The following GBX1 variants were observed in gnomAD, a reference collection of about 807,000 sequenced individuals.
GBX1 encodes homeobox protein GBX-1.
A neutral mutation model predicts 22.9 loss-of-function variants in GBX1; 9 were observed. The ratio of observed to expected loss-of-function variants is 0.39; its 90% CI spans 0.24 to 0.69. GBX1 has a LOEUF of 0.69. GBX1 is among the 30% of genes least tolerant of loss of function. The probability of loss-of-function intolerance (pLI) is 0.43; values close to 1 mark genes in which losing one functional copy is unlikely to be tolerated. For missense variants in GBX1, 494 were observed against 509.2 expected, an observed-to-expected ratio of 0.97 and a Z score of 0.29; for synonymous variants, 203 against 227.3, an observed-to-expected ratio of 0.89 and a Z score of 0.96.
chr7:151,148,655 A>G lies in GBX1; in HGVS notation c.1026T>C (p.Pro342=). 1.2e-6 allele frequency: 2 copies of G among 1,614,030 alleles called. No individual in the cohort carries two copies. Among genetic ancestry groups the G allele is most frequent in the Non-Finnish European group, 1.7e-6 (2 of 1,180,004 alleles). ...VRNPKIVVPI[P]VHVNRFAVRS... ...GCACAGCAAACCTGTTGACATGCAC[A>G]GGTATGGGGACAACAATCTTGGGGT... is the stretch of plus-strand genomic sequence containing the variant. Residue 342 remains proline, a synonymous_variant, in exon 2 of 2, where the codon CCT becomes CCC. Transcript: ENST00000297537. The surrounding 1 kb of genome is among the most constrained non-coding windows in gnomAD (Gnocchi z 5.1).
At chr7:151,161,015 T>G (rs1801182916) in intron 1 of GBX1, among the ~76,000 whole-genome samples, 1 of 152,170 alleles carries the variant, frequency 6.6e-6, no homozygotes. Flanking sequence ...TCTCTCTCTT[T>G]TATACATCTA....
intron 1 of GBX1, among the ~76,000 whole-genome samples, chr7:151,152,321 T>C (rs1039991386): frequency 6.6e-6 from 1 of 152,098 alleles, no homozygotes; most frequent in Non-Finnish European, 1.5e-5. Context: ...GACATCTCCC[T>C]ATGAATGTTA....
chr7:151,164,815 G>A (rs559518144), intron 1 of GBX1, among the ~76,000 whole-genome samples: 3 of 103,450 alleles, frequency 2.9e-5, no homozygotes, highest in East Asian at 2.9e-4. Context: ...CATTTTCCTC[G>A]GATGATGAAG....
chr7:151,154,098 G>A (rs1801108340), intron 1 of GBX1, among the ~76,000 whole-genome samples: 1 of 152,088 alleles, frequency 6.6e-6, no homozygotes, highest in Non-Finnish European at 1.5e-5. Context: ...ATTAGCCAGG[G>A]GTGTTGGCGT....
rs753403517 is a variant in GBX1 at position 151,149,090 on chromosome 7, T to A, written c.591A>T (p.Gly197=). Residue 197 remains glycine (G), a synonymous_variant, in exon 2 of 2, where the codon GGA becomes GGT. Transcript: ENST00000297537. The part of the protein sequence containing the change: ...SDEEKLEASA[G]DPAGSEQEEE... The stretch of plus-strand genomic sequence containing the variant: ...CCTCCTGTTCGCTGCCTGCTGGGTC[T>A]CCTGCTGATGCCTCCAGCTTCTCCT... The A allele has an allele frequency of 6.2e-7, 1 of 1,612,564 alleles. No homozygotes were observed.
intron 1 of GBX1, among the ~76,000 whole-genome samples, chr7:151,161,714 G>A (rs563213196): frequency 1.4e-4 from 22 of 152,214 alleles, no homozygotes; most frequent in African/African-American, 3.9e-4. Flanking sequence ...CATCATGCAC[G>A]CTGAAACAAC....
chr7:151,156,984 C>CAAAA (rs34479548), intron 1 of GBX1, among the ~76,000 whole-genome samples: 17 of 50,082 alleles, frequency 3.4e-4, no homozygotes, highest in African/African-American at 8.3e-4. Context: ...GACTCTGTCT[C>CAAAA]AAAAAAAAAA....
chr7:151,156,925 C>A (rs1466178916), intron 1 of GBX1, among the ~76,000 whole-genome samples: 1 of 137,872 alleles, frequency 7.3e-6, no homozygotes, highest in African/African-American at 2.8e-5. Context: ...TCAGAGGTTG[C>A]AGTGAGCAGA....
chr7:151,167,294 G>C lies in GBX1; in HGVS notation c.255C>G (p.Asn85Lys). ...CCTGACCCAGCCCCGCGCAGAAGGT[G>C]TTGGTAAGGCGGCCGGCGAAAGAGG... is the stretch of plus-strand genomic sequence containing the variant. ...PLASFAGRLTNTFCAGLGQAV... is the reference protein window; with the variant it reads ...PLASFAGRLTKTFCAGLGQAV... The change falls in exon 1 of 2, where the codon AAC becomes AAG. Residue 85 changes from asparagine to lysine, a missense_variant. Around this residue, in one of 3 missense-constraint regions of GBX1, gnomAD observed 365 missense variants for 340.4 expected, o/e 1.07. Transcript: ENST00000297537. This position sits in a 1 kb window ranked among gnomAD's most constrained non-coding sequence, Gnocchi z 5.9. 7 of 1,530,914 alleles carry C rather than the reference G, an allele frequency of 4.6e-6. No homozygotes were observed. The highest frequency in any genetic ancestry group is 6.1e-6 in the Non-Finnish European group (7 of 1,141,954). 94.8% of individuals were successfully genotyped at this position (1,530,914 alleles called of 1,614,324 possible). A position where few individuals can be genotyped will look rare whatever the true frequency, so the allele number is the denominator to read the frequency against.
Position 151,167,641 on chromosome 7 carries a change from C to G in GBX1, c.-93G>C, listed in dbSNP as rs1801276570. On this transcript the variant is annotated 5_prime_UTR_variant, in exon 1 of 2. Transcript: ENST00000297537. The surrounding 1 kb of genome is among the most constrained non-coding windows in gnomAD (Gnocchi z 5.9). ...GCGCCCCGCGCGGACACGCAGGGCTCGCTCCCTGGCTCCCGGGCCGAGGTG... is the reference window on the plus strand; with the variant it reads ...GCGCCCCGCGCGGACACGCAGGGCTGGCTCCCTGGCTCCCGGGCCGAGGTG... The G allele has an allele frequency of 8.6e-7, 1 of 1,160,536 alleles. No individual in the cohort carries two copies. Among genetic ancestry groups the G allele is most frequent in the African/African-American group, 1.6e-5 (1 of 61,232 alleles). 71.9% of individuals were successfully genotyped at this position (1,160,536 alleles called of 1,614,324 possible). A position where few individuals can be genotyped will look rare whatever the true frequency, so the allele number is the denominator to read the frequency against.
At chr7:151,158,829 T>C (rs1318438113) in intron 1 of GBX1, among the ~76,000 whole-genome samples, 2 of 152,174 alleles carry the variant, frequency 1.3e-5, no homozygotes, top group African/African-American at 4.8e-5. Context: ...ACAATAAGGA[T>C]AAATTCTTGA....
intron 1 of GBX1, chr7:151,150,171 C>T (rs1801061572): frequency 3.4e-6 from 1 of 291,474 alleles, no homozygotes; most frequent in South Asian, 2.8e-5. Context: ...CCACACAATT[C>T]TAAAACTTAA....
Position 151,166,953 on chromosome 7 carries a change from G to T in GBX1, c.538+58C>A, listed in dbSNP as rs1801259123. ...GTGCCGAGGTTCCGAGCAGGTTCCT[G>T]TCTGGAATTTCCAGGTGAACCGGCC... On this transcript the variant is annotated intron_variant, in intron 1 of 1. Coordinates refer to ENST00000297537, the MANE Select transcript of GBX1 (RefSeq NM_001098834.3). 2.6e-6 allele frequency: 4 copies of T among 1,563,358 alleles called. No individual in the cohort carries two copies. The African/African-American group carries it at 5.5e-5, about 22-fold the overall frequency.
At chr7:151,153,549 C>CT (rs35402664) in intron 1 of GBX1, among the ~76,000 whole-genome samples, 8,697 of 146,160 alleles carry the variant, frequency 0.06, 442 homozygotes, top group African/African-American at 0.13. Flanking sequence ...AGAAGCAAAT[C>CT]TTTTTTTTTT....
chr7:151,155,373 A>G (rs1801122693), intron 1 of GBX1, among the ~76,000 whole-genome samples: 1 of 152,178 alleles, frequency 6.6e-6, no homozygotes, highest in Non-Finnish European at 1.5e-5. Flanking sequence ...ATCATGCCCA[A>G]TACAGAATTA....
In GBX1 at chr7:151,167,523, G is replaced by A. The variant is rs1584807346; in HGVS notation, c.26C>T (p.Ala9Val). Residue 9 changes from alanine (A) to valine (V), a missense_variant, in exon 1 of 2, where the codon GCC (alanine) becomes GTC (valine). Ala to Val is a moderately conservative substitution (Grantham distance 64). Around this residue, in one of 3 missense-constraint regions of GBX1, gnomAD observed 365 missense variants for 340.4 expected, o/e 1.07. Coordinates refer to ENST00000297537, the MANE Select transcript of GBX1 (RefSeq NM_001098834.3). The surrounding 1 kb of genome is among the most constrained non-coding windows in gnomAD (Gnocchi z 5.9). Reference sequence around the variant, plus strand: ...GCCGCCCCCGCCGTTGCCCCCAGGGGCGCTACCGCCTCCGGCCCGCTGCAT... The same window carrying A: ...GCCGCCCCCGCCGTTGCCCCCAGGGACGCTACCGCCTCCGGCCCGCTGCAT... MQRAGGGS[A>V]PGGNGGGGGG... 6.8e-7 allele frequency: 1 copy of A among 1,470,048 alleles called. No homozygotes were observed. Among genetic ancestry groups the A allele is most frequent in the African/African-American group, 1.5e-5 (1 of 66,378 alleles). The allele number at this position is 1,470,048 out of a possible 1,614,324, so 91.1% of individuals were successfully genotyped here.
At chr7:151,152,072 G>A (rs989314744) in intron 1 of GBX1, among the ~76,000 whole-genome samples, 6 of 152,058 alleles carry the variant, frequency 3.9e-5, no homozygotes, top group South Asian at 4.2e-4. Context: ...CTATAGCTTC[G>A]TGAAAGTAGG....
chr7:151,164,025 T>A (rs1462897095), intron 1 of GBX1, among the ~76,000 whole-genome samples: 1 of 151,846 alleles, frequency 6.6e-6, no homozygotes, highest in Admixed American at 6.5e-5. Flanking sequence ...ATGGTACCTG[T>A]CTTAACTCTC....
At chr7:151,161,924 C>T (rs773263080) in intron 1 of GBX1, among the ~76,000 whole-genome samples, 6 of 152,156 alleles carry the variant, frequency 3.9e-5, no homozygotes, top group Non-Finnish European at 7.4e-5. Flanking sequence ...GCTGAGGAAA[C>T]CAAAGCCTAG....
Sources: gnomAD v4.1 joint callset for allele counts (sites outside exome capture counted in the v4.1 genomes callset) on GRCh38, gnomAD v4.1.1 for gene constraint, gnomAD v4.1.1 regional missense constraint, Gnocchi (gnomAD v3.1) non-coding constraint, MANE v1.5 for transcripts, NCBI Gene and HGNC (gene_info 2026-07-23, HGNC 2026-07-21) for gene names.